The following CAPRIN1 variants were observed in gnomAD, a reference collection of about 807,000 sequenced individuals.
CAPRIN1 encodes caprin-1.
A neutral mutation model predicts 100.9 loss-of-function variants in CAPRIN1; 29 were observed. The ratio of observed to expected loss-of-function variants is 0.29; its 90% CI spans 0.21 to 0.39. The LOEUF (loss-of-function observed/expected upper bound fraction) is 0.39, where lower values mean the gene tolerates loss of function less well. Ranked by LOEUF, CAPRIN1 falls within the 10% of genes least tolerant of loss-of-function variation. The probability of loss-of-function intolerance (pLI) is 1.00; values close to 1 mark genes in which losing one functional copy is unlikely to be tolerated. For synonymous variants in CAPRIN1, 338 were observed against 307.5 expected, an observed-to-expected ratio of 1.10 and a Z score of -1.04; for missense variants, 795 against 876.7, an observed-to-expected ratio of 0.91 and a Z score of 1.18.
chr11:34,081,978 A>G (rs763595328), intron 7 of CAPRIN1, among the ~76,000 whole-genome samples: 9 of 146,740 alleles, frequency 6.1e-5, no homozygotes, highest in Non-Finnish European at 9.0e-5. Context: ...TGTCTGGCTA[A>G]TTTTTGTATT....
At chr11:34,072,768 A>G (rs2134105794) in intron 4 of CAPRIN1, among the ~76,000 whole-genome samples, 1 of 152,334 alleles carries the variant, frequency 6.6e-6, no homozygotes, top group East Asian at 1.9e-4. Context: ...GAAGACTAAT[A>G]ACATTGAAAT....
chr11:34,071,012 C>T (rs1850795317), intron 2 of CAPRIN1, among the ~76,000 whole-genome samples: 1 of 152,150 alleles, frequency 6.6e-6, no homozygotes, highest in Non-Finnish European at 1.5e-5. Context: ...TAAAAATACT[C>T]TTATATCACC....
intron 6 of CAPRIN1, 111 bp from the exon 7 acceptor site, chr11:34,079,510 TATATGTG>T: frequency 1.7e-5 from 10 of 592,618 alleles, no homozygotes; most frequent in Non-Finnish European, 2.6e-5. Context: ...TTTTTATGTG[TATATGTG>T]TTTTAGTAAC....
chr11:34,082,073 G>A (rs113209786), intron 7 of CAPRIN1, among the ~76,000 whole-genome samples: 15,554 of 152,052 alleles, frequency 0.1, 866 homozygotes, highest in African/African-American at 0.15. Flanking sequence ...CGGCCTCCCA[G>A]AGTGCTGGGA....
At chr11:34,090,076 G>C (rs1851232581) in intron 12 of CAPRIN1, 103 bp from the exon 13 acceptor site, 6 of 589,366 alleles carry the variant, frequency 1.0e-5, no homozygotes, top group Non-Finnish European at 1.8e-5. Flanking sequence ...TTCTTTAGCA[G>C]TTGTATCTAT....
chr11:34,087,524 G>A lies in CAPRIN1; in HGVS notation c.1231+1111G>A, dbSNP rs1263875841. ...AATTTTTTGTATTTTTAGTAGAGACGGGGTTTCACTGTTTTAGCCGGGATG... is the reference window on the plus strand; with the variant it reads ...AATTTTTTGTATTTTTAGTAGAGACAGGGTTTCACTGTTTTAGCCGGGATG... On this transcript the variant is annotated intron_variant, in intron 11 of 18. Coordinates refer to ENST00000341394, the MANE Select transcript of CAPRIN1 (RefSeq NM_005898.5). Among the ~76,000 whole-genome samples, 14 of 127,958 alleles carry A rather than the reference G, an allele frequency of 1.1e-4. 1 individual carries two copies. The highest frequency in any genetic ancestry group is 7.4e-4 in the Admixed American group (10 of 13,548). The allele number at this position is 127,958 out of a possible 152,430, so 83.9% of individuals were successfully genotyped here.
intron 2 of CAPRIN1, among the ~76,000 whole-genome samples, chr11:34,070,172 T>G (rs538295371): frequency 8.7e-4 from 132 of 152,302 alleles, no homozygotes; most frequent in African/African-American, 3.0e-3. Context: ...CCTGAATATC[T>G]GTGGGGTCTT....
chr11:34,090,984 A>G (rs1335539963), intron 14 of CAPRIN1, among the ~76,000 whole-genome samples: 1 of 152,170 alleles, frequency 6.6e-6, no homozygotes, highest in African/African-American at 2.4e-5. Flanking sequence ...CATCCATATA[A>G]TCATTACCTA....
rs767288268 is a variant in CAPRIN1, at chr11:34,052,562, G to T, written c.142G>T (p.Ala48Ser). 4 of 1,610,144 alleles carry T rather than the reference G, an allele frequency of 2.5e-6. No individual in the cohort carries two copies. The highest frequency in any genetic ancestry group is 1.7e-5 in the Admixed American group (1 of 59,700). The change falls in exon 2 of 19, where the codon GCT (alanine) becomes TCT (serine). Residue 48 changes from alanine to serine, a missense_variant. Physicochemically the swap from Ala to Ser is moderately conservative, Grantham distance 99 (BLOSUM62 1). Transcript: ENST00000341394. ...TCAGCACCCCGCAACCGGCACCGGC[G>T]CTGTCCAGACCGAGGCCATGAAGCA... ...ASQHPATGTGAVQTEAMKQIL... is the reference protein window; with the variant it reads ...ASQHPATGTGSVQTEAMKQIL...
intron 2 of CAPRIN1, 191 bp downstream of exon 2, chr11:34,052,827 A>G: frequency 6.9e-7 from 1 of 1,447,418 alleles, no homozygotes; most frequent in Non-Finnish European, 9.0e-7. Flanking sequence ...GGGCTCTTGG[A>G]AGAGGCACTT....
intron 2 of CAPRIN1, among the ~76,000 whole-genome samples, chr11:34,061,902 C>G (rs1288039783): frequency 7.0e-6 from 1 of 143,240 alleles, no homozygotes; most frequent in African/African-American, 2.6e-5. Context: ...ACCTGGGAGG[C>G]AGAGGCTGCA....
Position 34,090,293 on chromosome 11 carries a change from A to G in CAPRIN1, c.1404+4A>G. On this transcript the variant is annotated splice_donor_region_variant and intron_variant, in intron 13 of 18. Transcript: ENST00000341394. ...GGAACCAATTGATCAGATTCAGGCA[A>G]GTTCTGTTACCGGGTCACATACATT... 3.1e-6 allele frequency: 5 copies of G among 1,593,878 alleles called. No homozygotes were observed. The highest frequency in any genetic ancestry group is 2.2e-5 in the South Asian group (2 of 90,604).
At chr11:34,077,453 A>G (rs1227601740) in intron 6 of CAPRIN1, among the ~76,000 whole-genome samples, 2 of 152,228 alleles carry the variant, frequency 1.3e-5, no homozygotes, top group Non-Finnish European at 2.9e-5. Flanking sequence ...ATATGCTGAT[A>G]CTTGGTCTAG....
chr11:34,086,499 T>G (rs1000399329), intron 11 of CAPRIN1, 86 bp downstream of exon 11: 6 of 763,916 alleles, frequency 7.9e-6, no homozygotes, highest in Middle Eastern at 2.5e-4. Context: ...TAAATTTTGT[T>G]TATTTTAATG....
Position 34,086,374 on chromosome 11 carries a change from A to T in CAPRIN1, c.1192A>T (p.Thr398Ser). The T allele has an allele frequency of 6.2e-7, 1 of 1,613,862 alleles. No individual in the cohort carries two copies. Among genetic ancestry groups the T allele is most frequent in the Non-Finnish European group, 8.5e-7 (1 of 1,179,872 alleles). Reference protein sequence around the residue: ...AIVSAQPMNPTQNMDMPQLVC... With the variant: ...AIVSAQPMNPSQNMDMPQLVC... ...TGTATCTGCACAGCCTATGAATCCA[A>T]CACAAAACATGGACATGCCCCAGCT... Residue 398 changes from threonine to serine, a missense_variant, in exon 11 of 19, where the codon ACA becomes TCA. Thr to Ser is a moderately conservative substitution (Grantham distance 58). Coordinates refer to ENST00000341394, the MANE Select transcript of CAPRIN1 (RefSeq NM_005898.5).
At position 34,052,544 on chromosome 11, in the gene CAPRIN1, C is replaced by A. The variant is rs201684569; in HGVS notation, c.124C>A (p.Pro42Thr). Residue 42 changes from proline (P) to threonine (T), a missense_variant, in exon 2 of 19, where the codon CCC becomes ACC. Pro to Thr is a conservative substitution (Grantham distance 38). This residue lies in a region of CAPRIN1 where 109 missense variants were observed against 86.6 expected (regional missense o/e 1.26). Transcript: ENST00000341394. ...GGCCGCCGCGCCGGCTTCTCAGCAC[C>A]CCGCAACCGGCACCGGCGCTGTCCA... ...AGAAAPASQH[P>T]ATGTGAVQTE... The A allele has an allele frequency of 1.2e-6, 2 of 1,608,756 alleles. No homozygotes were observed. The highest frequency in any genetic ancestry group is 1.7e-6 in the Non-Finnish European group (2 of 1,178,314).
intron 7 of CAPRIN1, among the ~76,000 whole-genome samples, chr11:34,082,259 C>T (rs1050603301): frequency 1.3e-5 from 2 of 152,126 alleles, no homozygotes; most frequent in Non-Finnish European, 2.9e-5. Flanking sequence ...CTGATCTCGG[C>T]TCACTGCAAC....
intron 2 of CAPRIN1, among the ~76,000 whole-genome samples, chr11:34,057,504 A>C (rs1850477152): frequency 6.6e-6 from 1 of 152,212 alleles, no homozygotes; most frequent in South Asian, 2.1e-4. Flanking sequence ...TTACAGATTA[A>C]GCATACAATT....
intron 2 of CAPRIN1, among the ~76,000 whole-genome samples, chr11:34,055,962 C>T (rs1850441975): frequency 1.3e-5 from 2 of 152,202 alleles, no homozygotes; most frequent in South Asian, 4.1e-4. Context: ...AATTTAAGCA[C>T]ATCTGGTTTT....
Sources: gnomAD v4.1 joint callset for allele counts (sites outside exome capture counted in the v4.1 genomes callset) on GRCh38, gnomAD v4.1.1 for gene constraint, gnomAD v4.1.1 regional missense constraint, MANE v1.5 for transcripts, NCBI Gene and HGNC (gene_info 2026-07-23, HGNC 2026-07-21) for gene names.